JAK1: variants seen among roughly 807,000 people sequenced by gnomAD.
JAK1 encodes the protein tyrosine-protein kinase JAK1.
Under a neutral mutation model 136.6 loss-of-function variants are expected in JAK1, and 16 were observed. The observed-to-expected ratio is 0.12, with a 90% CI of 0.08 to 0.18. The LOEUF is 0.18. Ranked by LOEUF, JAK1 falls within the 10% of genes least tolerant of loss-of-function variation. JAK1 has a pLI of 1.00. For missense variants in JAK1, 859 were observed against 1,450.1 expected (o/e 0.59, Z 6.62); for synonymous variants, 492 against 519.5 (o/e 0.95, Z 0.72).
At chr1:65,016,389 A>T (rs1245688045) in intron 2 of JAK1, among the ~76,000 whole-genome samples, 1 of 152,160 alleles carries the variant, frequency 6.6e-6, no homozygotes, top group African/African-American at 2.4e-5. Flanking sequence ...TGGGAGGCCT[A>T]GGAGGGCAGA....
intron 1 of JAK1, among the ~76,000 whole-genome samples, chr1:64,947,127 G>A (rs1021462296): frequency 1.3e-5 from 2 of 152,168 alleles, no homozygotes; most frequent in African/African-American, 4.8e-5. Flanking sequence ...AAGAGTTCTG[G>A]AGATTAGATG....
At chr1:64,932,948 A>G (rs1466410029) in intron 1 of JAK1, among the ~76,000 whole-genome samples, 1 of 152,242 alleles carries the variant, frequency 6.6e-6, no homozygotes, top group East Asian at 1.9e-4. Flanking sequence ...GAATTAAGCC[A>G]CTGCTAACGG....
chr1:64,902,426 C>T (rs1645120754), intron 1 of JAK1, among the ~76,000 whole-genome samples: 1 of 152,084 alleles, frequency 6.6e-6, no homozygotes, highest in Non-Finnish European at 1.5e-5. Flanking sequence ...TGTTTCAACC[C>T]TTCACTCACC....
intron 2 of JAK1, chr1:64,990,332 A>C (rs1267971854): frequency 6.6e-6 from 1 of 152,146 alleles, no homozygotes; most frequent in Admixed American, 6.6e-5. Flanking sequence ...AAAAAACCCC[A>C]CTCACTGAAT....
intron 1 of JAK1, among the ~76,000 whole-genome samples, chr1:64,939,427 T>G (rs754079340): frequency 4.6e-5 from 7 of 152,230 alleles, no homozygotes; most frequent in African/African-American, 1.7e-4. Flanking sequence ...GTTTCACAGT[T>G]TGCAGAAGTT....
At chr1:64,922,258 G>GT (rs5774732) in intron 1 of JAK1, among the ~76,000 whole-genome samples, 10,656 of 151,916 alleles carry the variant, frequency 0.07, 480 homozygotes, top group Admixed American at 0.15. Flanking sequence ...AAAAACAAGG[G>GT]TTTTTTTGCA....
chr1:64,985,577 A>T, intron 2 of JAK1: 1 of 1,094,052 alleles, frequency 9.1e-7, no homozygotes, highest in South Asian at 1.4e-5. Flanking sequence ...TGAATTCCAG[A>T]TCAAAGATCT....
rs542380196 is a variant in JAK1 at position 65,042,564 on chromosome 1, C to T, written c.-78+1916G>A. On this transcript the variant is annotated intron_variant, in intron 2 of 25. Coordinates refer to the JAK1 transcript ENST00000671954. The stretch of plus-strand genomic sequence containing the variant: ...TTTCATATAGGGCTTTAGAGTTGGC[C>T]GAAGGTTGTCCTGGCCACTGAATTT... Among the ~76,000 whole-genome samples the T allele has an allele frequency of 3.9e-5, 6 of 152,150 alleles. No individual in the cohort carries two copies. In the South Asian group the frequency reaches 8.3e-4, roughly 21 times the overall value.
chr1:65,003,731 T>G (rs1450385541), intron 2 of JAK1: 1 of 141,994 alleles, frequency 7.0e-6, no homozygotes, highest in Non-Finnish European at 1.5e-5. Context: ...TTTTCCCCTC[T>G]TTATGAAAAA....
rs943277108 is a variant in JAK1 at position 65,056,104 on chromosome 1, C to G, written c.-181+11500G>C. 5.3e-5 allele frequency among the ~76,000 whole-genome samples: 8 copies of G among 152,194 alleles called. No homozygotes were observed. In the South Asian group the frequency reaches 1.7e-3, roughly 31 times the overall value. On this transcript the variant is annotated intron_variant, in intron 1 of 25. Transcript: ENST00000671954. Reference sequence around the variant, plus strand: ...AAATTACTTGAGGATTCACCAATCCCTAACTTTCCCTTCCTAAAAGTTCTT... The same window carrying G: ...AAATTACTTGAGGATTCACCAATCCGTAACTTTCCCTTCCTAAAAGTTCTT...
intron 2 of JAK1, among the ~76,000 whole-genome samples, chr1:64,980,872 G>A (rs1390197924): frequency 2.0e-5 from 3 of 152,096 alleles, no homozygotes; most frequent in Non-Finnish European, 4.4e-5. Context: ...ATGGTTTCCA[G>A]CTTCATCCAT....
At chr1:64,849,330 C>A (rs529781696) in intron 12 of JAK1, among the ~76,000 whole-genome samples, 2 of 152,198 alleles carry the variant, frequency 1.3e-5, no homozygotes, top group Non-Finnish European at 2.9e-5. Flanking sequence ...GCTGGGACTA[C>A]AGCTGCTTAC....
Position 64,867,050 on chromosome 1 carries a change from T to C in JAK1, c.806A>G (p.Lys269Arg). ...SSVSTHDLKV[K>R]YLATLETLTK... ...CAAAGTTTCCAAGGTAGCCAAGTAT[T>C]TCACCTTCAGGTCATGCGTGGACAC... The change falls in exon 7 of 25, where the codon AAA becomes AGA. Residue 269 changes from lysine (K) to arginine (R), a missense_variant. Physicochemically the swap from Lys to Arg is conservative, Grantham distance 26. Coordinates refer to ENST00000342505, the MANE Select transcript of JAK1 (RefSeq NM_002227.4). 1 of 1,614,266 alleles carries C rather than the reference T, an allele frequency of 6.2e-7. No homozygotes were observed. The highest frequency in any genetic ancestry group is 8.5e-7 in the Non-Finnish European group (1 of 1,180,048).
intron 2 of JAK1, among the ~76,000 whole-genome samples, chr1:65,032,044 C>T (rs942518719): frequency 6.6e-6 from 1 of 151,190 alleles, no homozygotes; most frequent in Non-Finnish European, 1.5e-5. Context: ...CAGCTCACTG[C>T]AACCTCTGCC....
At chr1:64,960,163 C>A (rs1412087034) in intron 1 of JAK1, among the ~76,000 whole-genome samples, 1 of 152,168 alleles carries the variant, frequency 6.6e-6, no homozygotes, top group Admixed American at 6.5e-5. Context: ...AGAAGGTCAA[C>A]GCTGACTTGA....
intron 2 of JAK1, among the ~76,000 whole-genome samples, chr1:65,013,197 AC>A (rs1303725804): frequency 7.3e-5 from 11 of 151,414 alleles, no homozygotes; most frequent in Admixed American, 4.0e-4. Context: ...GGAGTTTGAG[AC>A]CAGCCTGGCC....
At chr1:65,053,328 G>C (rs1474370006) in intron 1 of JAK1, among the ~76,000 whole-genome samples, 2 of 152,308 alleles carry the variant, frequency 1.3e-5, no homozygotes, top group African/African-American at 2.4e-5. Flanking sequence ...CTGGGCGACA[G>C]AGCAAGACTC....
chr1:64,923,962 G>A (rs1301391506), intron 1 of JAK1, among the ~76,000 whole-genome samples: 3 of 151,372 alleles, frequency 2.0e-5, no homozygotes, highest in Non-Finnish European at 4.4e-5. Context: ...TATAAATAAA[G>A]AATTTAAAGA....
chr1:64,930,223 G>A (rs912083631), intron 1 of JAK1, among the ~76,000 whole-genome samples: 3 of 152,148 alleles, frequency 2.0e-5, no homozygotes, highest in Non-Finnish European at 4.4e-5. Context: ...GCAATCTACA[G>A]AATGGGAGAA....
Sources: gnomAD v4.1 joint callset for allele counts (sites outside exome capture counted in the v4.1 genomes callset) on GRCh38, gnomAD v4.1.1 for gene constraint, MANE v1.5 for transcripts, NCBI Gene and HGNC (gene_info 2026-07-23, HGNC 2026-07-21) for gene names.